The following CCIN variants were observed in gnomAD, a reference collection of about 807,000 sequenced individuals.
The protein encoded by CCIN is calicin, also known as testis tissue sperm-binding protein Li 65n.
CCIN carries 15 observed loss-of-function variants against 32.2 expected under a neutral mutation model. The ratio of observed to expected loss-of-function variants is 0.47; its 90% CI spans 0.31 to 0.72. CCIN has a LOEUF of 0.72. Ranked by LOEUF, CCIN falls within the 30% of genes least tolerant of loss-of-function variation. The pLI is 0.05. For missense variants in CCIN, 623 were observed against 759.4 expected (o/e 0.82, Z 2.11); for synonymous variants, 302 against 297.4 (o/e 1.02, Z -0.16).
In CCIN at chr9:36,170,855, C is replaced by T; in HGVS notation, c.1353C>T (p.Ser451=). The part of the protein sequence containing the change: ...RVGVVDCFDT[S]TGDVVQCITF... ...GGGTAGTGGACTGCTTTGACACCAG[C>T]ACTGGGGACGTGGTCCAGTGTATCA... is the stretch of plus-strand genomic sequence containing the variant. Residue 451 remains serine (S), a synonymous_variant, in exon 1 of 1, where the codon AGC becomes AGT. Transcript: ENST00000335119. 6.2e-7 allele frequency: 1 copy of T among 1,614,272 alleles called. No homozygotes were observed. The highest frequency in any genetic ancestry group is 1.1e-5 in the South Asian group (1 of 91,088).
At position 36,170,499 on chromosome 9, in the gene CCIN, G is replaced by T; in HGVS notation, c.997G>T (p.Gly333Cys). 6.2e-7 allele frequency: 1 copy of T among 1,614,132 alleles called. No homozygotes were observed. ...TSAGRYIYIS[G>C]GTTEQISGLK... ...TGCTGGTCGCTACATCTACATCTCTGGTGGCACCACTGAGCAGATTTCAGG... is the reference window on the plus strand; with the variant it reads ...TGCTGGTCGCTACATCTACATCTCTTGTGGCACCACTGAGCAGATTTCAGG... Residue 333 changes from glycine (G) to cysteine (C), a missense_variant, in exon 1 of 1, where the codon GGT becomes TGT. Physicochemically the swap from Gly to Cys is radical, Grantham distance 159. Transcript: ENST00000335119.
chr9:36,170,254 C>A lies in CCIN; in HGVS notation c.752C>A (p.Thr251Asn). ...ATGGAGAACACCTCATCCCATACAACCCTGATTGAGAGTGTCCTGATGGAC... is the reference window on the plus strand; with the variant it reads ...ATGGAGAACACCTCATCCCATACAAACCTGATTGAGAGTGTCCTGATGGAC... Reference protein sequence around the residue: ...VGMENTSSHTTLIESVLMDRK... With the variant: ...VGMENTSSHTNLIESVLMDRK... Residue 251 changes from threonine (T) to asparagine (N), a missense_variant, in exon 1 of 1, where the codon ACC becomes AAC. Transcript: ENST00000335119. The A allele has an allele frequency of 1.2e-6, 2 of 1,614,170 alleles. No individual in the cohort carries two copies. Among genetic ancestry groups the A allele is most frequent in the Non-Finnish European group, 1.7e-6 (2 of 1,180,012 alleles).
In CCIN at chr9:36,170,970, A is replaced by G; in HGVS notation, c.1468A>G (p.Ile490Val). 1 of 1,614,204 alleles carries G rather than the reference A, an allele frequency of 6.2e-7. No individual in the cohort carries two copies. The highest frequency in any genetic ancestry group is 8.5e-7 in the Non-Finnish European group (1 of 1,180,028). Residue 490 changes from isoleucine (I) to valine (V), a missense_variant, in exon 1 of 1, where the codon ATC (isoleucine) becomes GTC (valine). Physicochemically the swap from Ile to Val is conservative, Grantham distance 29. Coordinates refer to ENST00000335119, the MANE Select transcript of CCIN (RefSeq NM_005893.3). The stretch of plus-strand genomic sequence containing the variant: ...GCACAGCCACCGGCAGAGTGTGGAA[A>G]TCAATCTGCAGAAGGTGAAGGCAAG... ...CVHSHRQSVE[I>V]NLQKVKASKT...
In CCIN at chr9:36,170,373, G is replaced by T; in HGVS notation, c.871G>T (p.Gly291Cys). 3 of 1,614,146 alleles carry T rather than the reference G, an allele frequency of 1.9e-6. No homozygotes were observed. The highest frequency in any genetic ancestry group is 1.7e-6 in the Non-Finnish European group (2 of 1,180,044). Reference protein sequence around the residue: ...VVILGGQKAHGQFNDGVFAYI... With the variant: ...VVILGGQKAHCQFNDGVFAYI... ...CATCCTCGGTGGCCAGAAGGCCCAC[G>T]GCCAGTTCAATGATGGAGTGTTTGC... Residue 291 changes from glycine (G) to cysteine (C), a missense_variant, in exon 1 of 1, where the codon GGC becomes TGC. By Grantham distance (159) the Gly-to-Cys change is radical. Transcript: ENST00000335119.
In CCIN at chr9:36,170,198, G is replaced by A. The variant is rs1199084335; in HGVS notation, c.696G>A (p.Thr232=). ...ATCTCAATGCTGTCTCCAATAAGACGCTGGTGTTTGCCAGCAACAAGCTGG... is the reference window on the plus strand; with the variant it reads ...ATCTCAATGCTGTCTCCAATAAGACACTGGTGTTTGCCAGCAACAAGCTGG... ...YINLNAVSNK[T]LVFASNKLVG... The change falls in exon 1 of 1, where the codon ACG becomes ACA. Residue 232 remains threonine, a synonymous_variant. Transcript: ENST00000335119. 5.0e-6 allele frequency: 8 copies of A among 1,614,060 alleles called. No individual in the cohort carries two copies. The Admixed American group carries it at 5.0e-5, about 10-fold the overall frequency.
Position 36,170,838 on chromosome 9 carries a change from G to A in CCIN, c.1336G>A (p.Asp446Asn). The stretch of plus-strand genomic sequence containing the variant: ...TTATATCTCCCGGGTCGGGGTAGTG[G>A]ACTGCTTTGACACCAGCACTGGGGA... ...KGYISRVGVV[D>N]CFDTSTGDVV... The change falls in exon 1 of 1, where the codon GAC (aspartate) becomes AAC (asparagine). Residue 446 changes from aspartate to asparagine, a missense_variant. Transcript: ENST00000335119. 3.1e-6 allele frequency: 5 copies of A among 1,614,256 alleles called. No individual in the cohort carries two copies. Among genetic ancestry groups the A allele is most frequent in the Non-Finnish European group, 3.4e-6 (4 of 1,180,046 alleles).
rs1193194295 is a variant in CCIN, at chr9:36,169,574, CAA to C, written c.74_75del (p.Lys25ArgfsTer36). 6.2e-7 allele frequency: 1 copy of C among 1,614,128 alleles called. No homozygotes were observed. The highest frequency in any genetic ancestry group is 8.5e-7 in the Non-Finnish European group (1 of 1,180,052). The part of the protein sequence containing the change: ...LQNLNRQRKR[K>X]EYWDMALSVD... ...AGAACCTGAACAGACAGAGGAAACG[CAA>C]AGAGTACTGGGACATGGCCCTGAGT... is the stretch of plus-strand genomic sequence containing the variant. On this transcript the variant is annotated frameshift_variant, in exon 1 of 1. Coordinates refer to ENST00000335119, the MANE Select transcript of CCIN (RefSeq NM_005893.3). LOFTEE classifies it high-confidence loss of function.
In CCIN at chr9:36,170,448, C is replaced by A. The variant is rs765562220; in HGVS notation, c.946C>A (p.Arg316=). The change falls in exon 1 of 1, where the codon CGG becomes AGG. Residue 316 remains arginine (R), a synonymous_variant. Transcript: ENST00000335119. ...LWMKLSDMPY[R]AAALSATSAG... Reference sequence around the variant, plus strand: ...GATGAAGCTCTCAGACATGCCCTATCGGGCAGCAGCACTTAGTGCCACCTC... The same window carrying A: ...GATGAAGCTCTCAGACATGCCCTATAGGGCAGCAGCACTTAGTGCCACCTC... 2 of 1,614,096 alleles carry A rather than the reference C, an allele frequency of 1.2e-6. No homozygotes were observed.
At position 36,170,640 on chromosome 9, in the gene CCIN, G is replaced by A; in HGVS notation, c.1138G>A (p.Val380Met). ...MVTCGGTVYSVGGSIAPRRYV... is the reference protein window; with the variant it reads ...MVTCGGTVYSMGGSIAPRRYV... ...GACCTGTGGGGGGACAGTGTACTCA[G>A]TGGGCGGGAGCATTGCCCCAAGGCG... The change falls in exon 1 of 1, where the codon GTG becomes ATG. Residue 380 changes from valine (V) to methionine (M), a missense_variant. Physicochemically the swap from Val to Met is conservative, Grantham distance 21 (BLOSUM62 1). Transcript: ENST00000335119. The A allele has an allele frequency of 6.2e-7, 1 of 1,614,176 alleles. No homozygotes were observed. The highest frequency in any genetic ancestry group is 8.5e-7 in the Non-Finnish European group (1 of 1,180,016).
In CCIN at chr9:36,170,547, G is replaced by A. The variant is rs1433904800; in HGVS notation, c.1045G>A (p.Asp349Asn). The A allele has an allele frequency of 2.5e-6, 4 of 1,614,014 alleles. No individual in the cohort carries two copies. In the African/African-American group the frequency reaches 4.0e-5, roughly 16 times the overall value. ...AGGGCTGAAGACAGCCTGGCGGTAT[G>A]ACATGGATGACAACTCCTGGACCAA... is the stretch of plus-strand genomic sequence containing the variant. ...ISGLKTAWRY[D>N]MDDNSWTKLP... The change falls in exon 1 of 1, where the codon GAC becomes AAC. Residue 349 changes from aspartate to asparagine, a missense_variant. Asp to Asn is a conservative substitution (Grantham distance 23). Coordinates refer to ENST00000335119, the MANE Select transcript of CCIN (RefSeq NM_005893.3).
rs1383253973 is a variant in CCIN at position 36,170,054 on chromosome 9, C to T, written c.552C>T (p.Leu184=). The stretch of plus-strand genomic sequence containing the variant: ...CACCTGTTATCTTTGGCCGCCTGCT[C>T]CGTGATGAAAACCTTCACGTGCTCA... The part of the protein sequence containing the change: ...RCPPVIFGRL[L]RDENLHVLNE... The change falls in exon 1 of 1, where the codon CTC becomes CTT. Residue 184 remains leucine, a synonymous_variant. Coordinates refer to ENST00000335119, the MANE Select transcript of CCIN (RefSeq NM_005893.3). 1.9e-5 allele frequency: 31 copies of T among 1,614,040 alleles called. No homozygotes were observed. The highest frequency in any genetic ancestry group is 2.6e-5 in the Non-Finnish European group (31 of 1,180,034).
In CCIN at chr9:36,169,616, C is replaced by T; in HGVS notation, c.114C>T (p.Val38=). 1 of 1,614,238 alleles carries T rather than the reference C, an allele frequency of 6.2e-7. No individual in the cohort carries two copies. Among genetic ancestry groups the T allele is most frequent in the Non-Finnish European group, 8.5e-7 (1 of 1,180,044 alleles). Residue 38 remains valine (V), a synonymous_variant, in exon 1 of 1, where the codon GTC becomes GTT. Coordinates refer to ENST00000335119, the MANE Select transcript of CCIN (RefSeq NM_005893.3). ...TGGCCCTGAGTGTGGACAACCACGTCTTCTTTGCACATCGCAATGTGCTGG... is the reference window on the plus strand; with the variant it reads ...TGGCCCTGAGTGTGGACAACCACGTTTTCTTTGCACATCGCAATGTGCTGG... The part of the protein sequence containing the change: ...WDMALSVDNH[V]FFAHRNVLAA...
At position 36,169,677 on chromosome 9, in the gene CCIN, A is replaced by C. The variant is rs540532325; in HGVS notation, c.175A>C (p.Ser59Arg). ...VSPLVRSLIS[S>R]NDMKTADELF... Reference sequence around the variant, plus strand: ...CCCACTGGTGAGGAGCCTCATCTCCAGCAATGACATGAAGACCGCTGATGA... The same window carrying C: ...CCCACTGGTGAGGAGCCTCATCTCCCGCAATGACATGAAGACCGCTGATGA... The change falls in exon 1 of 1, where the codon AGC (serine) becomes CGC (arginine). Residue 59 changes from serine (S) to arginine (R), a missense_variant. By Grantham distance (110) the Ser-to-Arg change is moderately radical (BLOSUM62 -1). Transcript: ENST00000335119. 1 of 1,614,204 alleles carries C rather than the reference A, an allele frequency of 6.2e-7. No homozygotes were observed. The highest frequency in any genetic ancestry group is 1.1e-5 in the South Asian group (1 of 91,090).
rs1201403558 is a variant in CCIN at position 36,170,102 on chromosome 9, A to C, written c.600A>C (p.Ala200=). The C allele has an allele frequency of 4.3e-6, 7 of 1,614,212 alleles. No homozygotes were observed. In the South Asian group the frequency reaches 6.6e-5, roughly 15 times the overall value. ...TCAATGAAGACCAGGCGCTCAGCGC[A>C]CTCATCAATTGGGTGTACTTCCGGA... ...HVLNEDQALS[A]LINWVYFRKE... The change falls in exon 1 of 1, where the codon GCA becomes GCC. Residue 200 remains alanine (A), a synonymous_variant. Coordinates refer to ENST00000335119, the MANE Select transcript of CCIN (RefSeq NM_005893.3).
At position 36,170,090 on chromosome 9, in the gene CCIN, G is replaced by A. The variant is rs1382478610; in HGVS notation, c.588G>A (p.Gln196=). ...DENLHVLNED[Q]ALSALINWVY... is the part of the protein sequence containing the mutation. ...ACCTTCACGTGCTCAATGAAGACCA[G>A]GCGCTCAGCGCACTCATCAATTGGG... Residue 196 remains glutamine, a synonymous_variant, in exon 1 of 1, where the codon CAG becomes CAA. Coordinates refer to ENST00000335119, the MANE Select transcript of CCIN (RefSeq NM_005893.3). 2 of 1,614,098 alleles carry A rather than the reference G, an allele frequency of 1.2e-6. No homozygotes were observed. Among genetic ancestry groups the A allele is most frequent in the East Asian group, 2.2e-5 (1 of 44,894 alleles).
chr9:36,169,435 C>G lies in CCIN; in HGVS notation c.-68C>G, dbSNP rs561314801. 10 of 1,481,838 alleles carry G rather than the reference C, an allele frequency of 6.7e-6. No homozygotes were observed. Among genetic ancestry groups the G allele is most frequent in the Admixed American group, 5.5e-5 (3 of 55,008 alleles). The allele number at this position is 1,481,838 out of a possible 1,614,324, so 91.8% of individuals were successfully genotyped here. On this transcript the variant is annotated 5_prime_UTR_variant, in exon 1 of 1. The change creates a new upstream start codon in the 5' untranslated region. Coordinates refer to ENST00000335119, the MANE Select transcript of CCIN (RefSeq NM_005893.3). ...CTCTGCAAACAACCATCAATCTGAT[C>G]CCACAGGCCTGAGAAAGTCTGCTCT...
In CCIN at chr9:36,169,852, G is replaced by A. The variant is rs547325705; in HGVS notation, c.350G>A (p.Arg117Gln). The change falls in exon 1 of 1, where the codon CGA (arginine) becomes CAA (glutamine). Residue 117 changes from arginine (R) to glutamine (Q), a missense_variant. Transcript: ENST00000335119. ...GAQYFNTPRL[R>Q]VHCNDFLIKS... is the part of the protein sequence containing the mutation. ...CAGTATTTCAACACACCACGCCTTC[G>A]AGTTCACTGTAACGACTTCCTTATT... is the stretch of plus-strand genomic sequence containing the variant. 13 of 1,614,028 alleles carry A rather than the reference G, an allele frequency of 8.1e-6. No individual in the cohort carries two copies. The highest frequency in any genetic ancestry group is 1.6e-4 in the Middle Eastern group (1 of 6,084).
In CCIN at chr9:36,169,954, T is replaced by A; in HGVS notation, c.452T>A (p.Val151Glu). 1 of 1,614,058 alleles carries A rather than the reference T, an allele frequency of 6.2e-7. No individual in the cohort carries two copies. The highest frequency in any genetic ancestry group is 1.1e-5 in the South Asian group (1 of 91,084). The change falls in exon 1 of 1, where the codon GTA (valine) becomes GAA (glutamate). Residue 151 changes from valine (V) to glutamate (E), a missense_variant. Val to Glu is a moderately radical substitution (Grantham distance 121). Transcript: ENST00000335119. ...ELFELKEVSD[V>E]AYSGIRDNFH... is the part of the protein sequence containing the mutation. Reference sequence around the variant, plus strand: ...TTTGAGCTCAAAGAGGTATCAGACGTAGCTTACTCTGGCATTCGGGACAAC... The same window carrying A: ...TTTGAGCTCAAAGAGGTATCAGACGAAGCTTACTCTGGCATTCGGGACAAC...
rs762462672 is a variant in CCIN at position 36,169,842 on chromosome 9, C to G, written c.340C>G (p.Pro114Ala). ...TCGTGGGGCTCAGTATTTCAACACA[C>G]CACGCCTTCGAGTTCACTGTAACGA... is the stretch of plus-strand genomic sequence containing the variant. ...LLRGAQYFNTPRLRVHCNDFL... is the reference protein window; with the variant it reads ...LLRGAQYFNTARLRVHCNDFL... Residue 114 changes from proline (P) to alanine (A), a missense_variant, in exon 1 of 1, where the codon CCA becomes GCA. Physicochemically the swap from Pro to Ala is conservative, Grantham distance 27. Coordinates refer to ENST00000335119, the MANE Select transcript of CCIN (RefSeq NM_005893.3). The G allele has an allele frequency of 2.5e-6, 4 of 1,614,074 alleles. No homozygotes were observed. In the African/African-American group the frequency reaches 4.0e-5, roughly 16 times the overall value.
Sources: gnomAD v4.1 joint callset for allele counts on GRCh38, gnomAD v4.1.1 for gene constraint, MANE v1.5 for transcripts, NCBI Gene and HGNC (gene_info 2026-07-23, HGNC 2026-07-21) for gene names.